Variants in AIG1 observed in about 807,000 individuals in gnomAD.
AIG1 encodes androgen-induced gene 1 protein.
AIG1 carries 23 observed loss-of-function variants against 31.4 expected under a neutral mutation model. That is an observed-to-expected ratio of 0.73 (90% CI 0.53 to 1.04). AIG1 has a LOEUF of 1.04. Ranked by LOEUF, AIG1 falls within the 50% of genes least tolerant of loss-of-function variation. The pLI is 0.00. For missense variants in AIG1, 274 were observed against 295.0 expected (o/e 0.93, Z 0.52); for synonymous variants, 100 against 110.5 (o/e 0.90, Z 0.60).
At position 143,077,011 on chromosome 6, in the gene AIG1, T is replaced by A. The variant is rs188085903; in HGVS notation, c.141+15945T>A. Among the ~76,000 whole-genome samples the A allele has an allele frequency of 1.4e-3, 213 of 152,310 alleles. 1 individual carries two copies. The highest frequency in any genetic ancestry group is 6.8e-3 in the Middle Eastern group (2 of 294). On this transcript the variant is annotated intron_variant, in intron 1 of 5. Transcript: ENST00000357847. ...TATTTAACTTTATCTGTCGGCTGTT[T>A]GTATATATCTCTTTGAATTATTTTA... is the stretch of plus-strand genomic sequence containing the variant.
At chr6:143,094,790 G>T (rs1175540860) in intron 1 of AIG1, among the ~76,000 whole-genome samples, 1 of 151,608 alleles carries the variant, frequency 6.6e-6, no homozygotes, top group Non-Finnish European at 1.5e-5. Context: ...GAAAATTATT[G>T]TAGAACAAAG....
intron 3 of AIG1, among the ~76,000 whole-genome samples, chr6:143,232,372 G>A (rs146314448): frequency 1.2e-4 from 18 of 152,238 alleles, no homozygotes; most frequent in Non-Finnish European, 2.1e-4. Flanking sequence ...AGGCTCAGGC[G>A]GAGCAGCCCA....
At chr6:143,335,236 A>G in intron 5 of AIG1, 1 of 973,390 alleles carries the variant, frequency 1.0e-6, no homozygotes, top group Non-Finnish European at 1.4e-6. Context: ...TCAGTATTTT[A>G]AAATTGGGTG....
At position 143,064,837 on chromosome 6, in the gene AIG1, C is replaced by T. The variant is rs192999717; in HGVS notation, c.141+3771C>T. Among the ~76,000 whole-genome samples the T allele has an allele frequency of 9.2e-5, 14 of 152,276 alleles. No homozygotes were observed. The South Asian group carries it at 1.9e-3, about 20-fold the overall frequency. On this transcript the variant is annotated intron_variant, in intron 1 of 5. Transcript: ENST00000357847. ...CAAGCGTGTCTGTGTGAAGAGACCA[C>T]CAAACAGGCTTTGTGTGAGCAATAA...
At chr6:143,061,508 A>G (rs1218791704) in intron 1 of AIG1, 3 of 345,720 alleles carry the variant, frequency 8.7e-6, no homozygotes, top group South Asian at 2.2e-5. Flanking sequence ...GAAACTGGGT[A>G]TTGTCTAGTG....
intron 1 of AIG1, among the ~76,000 whole-genome samples, chr6:143,101,406 G>A (rs888859620): frequency 2.0e-5 from 3 of 152,150 alleles, no homozygotes; most frequent in Non-Finnish European, 2.9e-5. Flanking sequence ...GAATTTCCAA[G>A]GAATTATTGG....
downstream of AIG1, chr6:143,342,292 C>G (rs1490567741): frequency 2.9e-6 from 2 of 685,106 alleles, no homozygotes; most frequent in Non-Finnish European, 5.3e-6. Flanking sequence ...TGCGGCTCAG[C>G]GTGGGCTCCC....
chr6:143,095,873 A>G (rs1583160837), intron 1 of AIG1, among the ~76,000 whole-genome samples: 1 of 144,888 alleles, frequency 6.9e-6, no homozygotes, highest in South Asian at 2.3e-4. Context: ...GAGCTGAGTT[A>G]GTGTGGTTTT....
intron 1 of AIG1, among the ~76,000 whole-genome samples, chr6:143,097,103 A>G (rs1212916328): frequency 2.0e-5 from 3 of 152,190 alleles, no homozygotes; most frequent in African/African-American, 7.2e-5. Context: ...GCACAAATAG[A>G]AAGGGAATAG....
In AIG1 at chr6:143,284,293, T is replaced by C. The variant is rs1193403298; in HGVS notation, c.515+68T>C. The C allele has an allele frequency of 7.1e-6, 8 of 1,128,200 alleles. No homozygotes were observed. In the African/African-American group the frequency reaches 9.2e-5, roughly 13 times the overall value. 69.9% of individuals were successfully genotyped at this position (1,128,200 alleles called of 1,614,324 possible). ...TGCACTGCTAAATTTGGGCACATAT[T>C]TCATTATGGATATAATCACTAACAG... On this transcript the variant is annotated intron_variant, in intron 4 of 5. Coordinates refer to ENST00000357847, the MANE Select transcript of AIG1 (RefSeq NM_016108.4). This position sits in a 1 kb window ranked among gnomAD's most constrained non-coding sequence, Gnocchi z 4.4.
Position 143,311,675 on chromosome 6 carries a change from A to G in AIG1, c.516-21607A>G, listed in dbSNP as rs544243139. Among the ~76,000 whole-genome samples, 151 of 152,040 alleles carry G rather than the reference A, an allele frequency of 9.9e-4. 1 individual carries two copies. Among genetic ancestry groups the G allele is most frequent in the African/African-American group, 3.6e-3 (149 of 41,562 alleles). ...AATAGAAGAGAACTCCCTCAAGTTG[A>G]TGAAGAACATCTATTAAAAATTTAT... On this transcript the variant is annotated intron_variant, in intron 4 of 5. Transcript: ENST00000357847.
At chr6:143,102,967 A>T (rs1372396053) in intron 1 of AIG1, among the ~76,000 whole-genome samples, 1 of 152,228 alleles carries the variant, frequency 6.6e-6, no homozygotes, top group African/African-American at 2.4e-5. Context: ...TCTAGTGTAC[A>T]TATATATCTT....
intron 3 of AIG1, among the ~76,000 whole-genome samples, chr6:143,273,235 T>A (rs1796663515): frequency 2.0e-5 from 3 of 152,228 alleles, no homozygotes; most frequent in Admixed American, 6.5e-5. Flanking sequence ...TACGAATAAG[T>A]GGATTCTACT....
chr6:143,090,995 C>T (rs1317299380), intron 1 of AIG1, among the ~76,000 whole-genome samples: 2 of 152,184 alleles, frequency 1.3e-5, no homozygotes, highest in Non-Finnish European at 2.9e-5. Context: ...ATGTAATGTT[C>T]TAAATCCTTT....
In AIG1 at chr6:143,258,744, C is replaced by T. The variant is rs540115137; in HGVS notation, c.400-25366C>T. 1.3e-5 allele frequency among the ~76,000 whole-genome samples: 2 copies of T among 152,270 alleles called. No homozygotes were observed. The highest frequency in any genetic ancestry group is 3.9e-4 in the East Asian group (2 of 5,192). On this transcript the variant is annotated intron_variant, in intron 3 of 5. Transcript: ENST00000357847. The surrounding 1 kb of genome is among the most constrained non-coding windows in gnomAD (Gnocchi z 4.7). ...TGAAAAAAGTCTTATATTCTAGACCCACCCCCTGTCAAAACTGAGGTTGAA... is the reference window on the plus strand; with the variant it reads ...TGAAAAAAGTCTTATATTCTAGACCTACCCCCTGTCAAAACTGAGGTTGAA...
At chr6:143,104,330 G>T (rs531636332) in intron 1 of AIG1, among the ~76,000 whole-genome samples, 75 of 152,296 alleles carry the variant, frequency 4.9e-4, no homozygotes, top group African/African-American at 1.7e-3. Context: ...AGAAGTAAAT[G>T]AAAGACTCTG....
intron 3 of AIG1, among the ~76,000 whole-genome samples, chr6:143,257,200 A>G (rs118032729): frequency 0.01 from 1,571 of 152,316 alleles, 45 homozygotes; most frequent in East Asian, 0.065. Context: ...TTCATGGAGC[A>G]CTCCAAGATC....
chr6:143,178,998 G>A (rs1433851862), intron 3 of AIG1, among the ~76,000 whole-genome samples: 1 of 152,180 alleles, frequency 6.6e-6, no homozygotes, highest in Non-Finnish European at 1.5e-5. Flanking sequence ...GCTCTGGGGA[G>A]TGGGCTCAAC....
chr6:143,202,276 C>T (rs1790754302), intron 3 of AIG1, among the ~76,000 whole-genome samples: 1 of 152,078 alleles, frequency 6.6e-6, no homozygotes, highest in Admixed American at 6.6e-5. Flanking sequence ...AAATTCTAAC[C>T]AAGTTTTTTT....
Sources: gnomAD v4.1 joint callset for allele counts (sites outside exome capture counted in the v4.1 genomes callset) on GRCh38, gnomAD v4.1.1 for gene constraint, Gnocchi (gnomAD v3.1) non-coding constraint, MANE v1.5 for transcripts, NCBI Gene and HGNC (gene_info 2026-07-23, HGNC 2026-07-21) for gene names.